The following DPP6 variants were observed in gnomAD, a reference collection of about 807,000 sequenced individuals.
DPP6 encodes the protein A-type potassium channel modulatory protein DPP6.
In DPP6, 69 loss-of-function variants were observed where a neutral mutation model predicts 122.6. That is an observed-to-expected ratio of 0.56 (90% CI 0.46 to 0.69). DPP6 has a LOEUF of 0.69. Among genes scored for constraint, DPP6 ranks in the 30% least tolerant of loss-of-function variants. The probability of loss-of-function intolerance (pLI) is 0.00; values close to 1 mark genes in which losing one functional copy is unlikely to be tolerated. For missense variants in DPP6, 928 were observed against 1,116.9 expected, an observed-to-expected ratio of 0.83 and a Z score of 2.41; for synonymous variants, 418 against 433.1, an observed-to-expected ratio of 0.97 and a Z score of 0.43.
At chr7:154,700,129 TA>T (rs1386105849) in intron 7 of DPP6, among the ~76,000 whole-genome samples, 59 of 148,160 alleles carry the variant, frequency 4.0e-4, no homozygotes, top group Non-Finnish European at 6.1e-4. Context: ...GAATGTAAAA[TA>T]AAATAAATAT....
chr7:154,207,575 G>C (rs11760216), intron 1 of DPP6, among the ~76,000 whole-genome samples: 127,713 of 152,154 alleles, frequency 0.84, 53,687 homozygotes, highest in Non-Finnish European at 0.85. Flanking sequence ...CTTAGGGCCT[G>C]AAAACTTTGT....
intron 7 of DPP6, among the ~76,000 whole-genome samples, chr7:154,680,648 T>C (rs1839219049): frequency 6.6e-6 from 1 of 151,588 alleles, no homozygotes; most frequent in South Asian, 2.1e-4. Flanking sequence ...TTTTTCCCCC[T>C]TCTAAAACTT....
chr7:154,005,075 C>T (rs1272894049), intron 1 of DPP6, among the ~76,000 whole-genome samples: 1 of 152,060 alleles, frequency 6.6e-6, no homozygotes, highest in Admixed American at 6.6e-5. Context: ...GTTTCATGAC[C>T]TACAAAAAGT....
chr7:153,942,442 C>T (rs1801739988), intron 1 of DPP6, among the ~76,000 whole-genome samples: 1 of 152,166 alleles, frequency 6.6e-6, no homozygotes, highest in Admixed American at 6.6e-5. Flanking sequence ...GACAGGTGGC[C>T]CTCAGAGGCA....
intron 10 of DPP6, among the ~76,000 whole-genome samples, chr7:154,789,243 T>G (rs992523181): frequency 8.5e-5 from 13 of 152,232 alleles, no homozygotes; most frequent in Non-Finnish European, 1.6e-4. Context: ...TTGACATTTT[T>G]TTTTCTACCT....
At chr7:154,437,173 G>A (rs922069526) in intron 1 of DPP6, among the ~76,000 whole-genome samples, 1 of 152,164 alleles carries the variant, frequency 6.6e-6, no homozygotes, top group African/African-American at 2.4e-5. Flanking sequence ...CTCATCAATT[G>A]CCTCTCTGCA....
chr7:154,572,889 A>G (rs1229436772), intron 5 of DPP6, among the ~76,000 whole-genome samples: 3 of 151,966 alleles, frequency 2.0e-5, no homozygotes, highest in Non-Finnish European at 4.4e-5. Flanking sequence ...CATGTTGGTT[A>G]GGCTGGTCTC....
the DPP6 span, among the ~76,000 whole-genome samples, chr7:153,878,364 A>C: frequency 6.0e-5 from 9 of 150,940 alleles, no homozygotes; most frequent in South Asian, 1.5e-3. Context: ...TATTTATGTT[A>C]GTGCCTATCC....
rs180768363 is a variant in DPP6 at position 154,259,914 on chromosome 7, G to A, written c.244-186300G>A. 4.6e-5 allele frequency among the ~76,000 whole-genome samples: 7 copies of A among 152,276 alleles called. No individual in the cohort carries two copies. The East Asian group carries it at 1.4e-3, about 29-fold the overall frequency. On this transcript the variant is annotated intron_variant, in intron 1 of 25. Transcript: ENST00000377770. ...GCACGTGGCTGCTGGTTAAGGAGAC[G>A]GGCACCCAGTGAGCTCAAAAAGCAG...
chr7:153,974,790 C>G (rs1413187626), intron 1 of DPP6, among the ~76,000 whole-genome samples: 4 of 152,154 alleles, frequency 2.6e-5, no homozygotes, highest in Non-Finnish European at 5.9e-5. Context: ...TGGTGCAAGG[C>G]AGTCAGCTGT....
intron 1 of DPP6, among the ~76,000 whole-genome samples, chr7:154,243,924 A>T (rs1801812056): frequency 6.6e-6 from 1 of 152,178 alleles, no homozygotes; most frequent in South Asian, 2.1e-4. Context: ...AACTAGCAGG[A>T]CAGCATCCAT....
chr7:154,507,195 G>A (rs1825728369), intron 3 of DPP6, among the ~76,000 whole-genome samples: 1 of 152,162 alleles, frequency 6.6e-6, no homozygotes, highest in African/African-American at 2.4e-5. Flanking sequence ...GAATGACAGA[G>A]AAGTTTTGAA....
intron 1 of DPP6, among the ~76,000 whole-genome samples, chr7:154,060,315 A>C (rs1801560846): frequency 2.5e-5 from 3 of 119,560 alleles, no homozygotes; most frequent in Admixed American, 8.5e-5. Flanking sequence ...GGCTCTTAGG[A>C]CCCCCATCGC....
intron 1 of DPP6, among the ~76,000 whole-genome samples, chr7:154,207,966 A>ATT (rs1799538183): frequency 1.3e-5 from 2 of 149,086 alleles, no homozygotes; most frequent in African/African-American, 5.2e-5. Flanking sequence ...AAAAAAAAAA[A>ATT]ATTTAAGAAT....
intron 1 of DPP6, among the ~76,000 whole-genome samples, chr7:154,425,270 A>C (rs1027670826): frequency 6.6e-6 from 1 of 152,170 alleles, no homozygotes; most frequent in Non-Finnish European, 1.5e-5. Context: ...TTTATTTTTC[A>C]TAGGAAACAC....
intron 1 of DPP6, among the ~76,000 whole-genome samples, chr7:154,293,921 G>C (rs1235299746): frequency 1.3e-5 from 2 of 152,140 alleles, no homozygotes; most frequent in African/African-American, 2.4e-5. Context: ...GCGCACACAG[G>C]ATGCAAAGAT....
chr7:153,988,416 C>T (rs1182149914), intron 1 of DPP6, among the ~76,000 whole-genome samples: 4 of 151,958 alleles, frequency 2.6e-5, no homozygotes, highest in African/African-American at 7.3e-5. Context: ...GGTGTGGTGA[C>T]GTGTGTGTGC....
At chr7:153,770,755 A>C in the DPP6 span, among the ~76,000 whole-genome samples, 4,564 of 152,318 alleles carry the variant, frequency 0.03, 132 homozygotes, top group South Asian at 0.13. Context: ...AGCATGTAAG[A>C]CCAAATGGGC....
At chr7:154,223,068 A>C (rs982793503) in intron 1 of DPP6, among the ~76,000 whole-genome samples, 1 of 149,280 alleles carries the variant, frequency 6.7e-6, no homozygotes, top group Non-Finnish European at 1.5e-5. Flanking sequence ...AGACTGCTAC[A>C]GGTGAGAGAG....
Sources: gnomAD v4.1 joint callset for allele counts (sites outside exome capture counted in the v4.1 genomes callset) on GRCh38, gnomAD v4.1.1 for gene constraint, MANE v1.5 for transcripts, NCBI Gene and HGNC (gene_info 2026-07-23, HGNC 2026-07-21) for gene names.